The following PIK3R1 variants were observed in gnomAD, a reference collection of about 807,000 sequenced individuals.
PIK3R1 encodes the protein phosphatidylinositol 3-kinase regulatory subunit alpha.
A neutral mutation model predicts 98.0 loss-of-function variants in PIK3R1; 29 were observed. That is an observed-to-expected ratio of 0.30 (90% confidence interval 0.22 to 0.40). The LOEUF is 0.40. PIK3R1 is among the 10% of genes least tolerant of loss of function. PIK3R1 has a pLI of 1.00. For synonymous variants in PIK3R1, 282 were observed against 311.8 expected (o/e 0.90, Z 1.01); for missense variants, 596 against 872.7 (o/e 0.68, Z 3.99).
chr5:68,242,791 G>T (rs1744917796), intron 2 of PIK3R1, among the ~76,000 whole-genome samples: 1 of 152,206 alleles, frequency 6.6e-6, no homozygotes, highest in Admixed American at 6.5e-5. Context: ...TTGGCCCTCA[G>T]TGTCTGGGTA....
intron 2 of PIK3R1, among the ~76,000 whole-genome samples, chr5:68,253,772 G>A (rs528713845): frequency 3.3e-5 from 5 of 152,168 alleles, no homozygotes; most frequent in East Asian, 1.9e-4. Flanking sequence ...TTCCAGCTGC[G>A]CACATTTGCC....
rs1193132421 is a variant in PIK3R1 at position 68,301,042 on chromosome 5, G to GA, written c.*3447dup. ...AAGTCCTACTGATGTTCCTTTGGAA[G>GA]AAAAAATCTGCTGGTTTTAACAACT... On this transcript the variant is annotated 3_prime_UTR_variant, in exon 16 of 16. Coordinates refer to ENST00000521381, the MANE Select transcript of PIK3R1 (RefSeq NM_181523.3). The GA allele has an allele frequency of 1.3e-5, 3 of 232,100 alleles. No individual in the cohort carries two copies. Among genetic ancestry groups the GA allele is most frequent in the East Asian group, 6.1e-5 (1 of 16,314 alleles). 14.4% of individuals were successfully genotyped at this position (232,100 alleles called of 1,614,324 possible). A position where few individuals can be genotyped will look rare whatever the true frequency, so the allele number is the denominator to read the frequency against.
At chr5:68,242,867 T>C (rs1243340503) in intron 2 of PIK3R1, among the ~76,000 whole-genome samples, 1 of 152,212 alleles carries the variant, frequency 6.6e-6, no homozygotes, top group Non-Finnish European at 1.5e-5. Context: ...CAGAGAAGAC[T>C]GGATCTAAGC....
intron 8 of PIK3R1, 163 bp downstream of exon 8, chr5:68,292,524 G>C (rs567627118): frequency 3.9e-6 from 6 of 1,521,308 alleles, no homozygotes; most frequent in African/African-American, 2.7e-5. Flanking sequence ...CTGGAGAACT[G>C]TGGGTGCTGG....
chr5:68,265,685 TG>T (rs1746095382), intron 2 of PIK3R1, among the ~76,000 whole-genome samples: 1 of 152,092 alleles, frequency 6.6e-6, no homozygotes, highest in Admixed American at 6.6e-5. Flanking sequence ...AACATGAATC[TG>T]GGGGGAAGGG....
chr5:68,272,265 A>AAAAAG (rs1554048917), intron 2 of PIK3R1, among the ~76,000 whole-genome samples: 3,234 of 146,174 alleles, frequency 0.022, 98 homozygotes, highest in African/African-American at 0.067. Context: ...AAAAAAAAAA[A>AAAAAG]AAAAAGAAAA....
chr5:68,280,158 C>T, intron 5 of PIK3R1: 2 of 319,252 alleles, frequency 6.3e-6, no homozygotes, highest in Non-Finnish European at 5.8e-6. Context: ...CAGTTAAGTG[C>T]TTTGGGGACA....
chr5:68,264,582 C>T (rs1407622816), intron 2 of PIK3R1, among the ~76,000 whole-genome samples: 6 of 152,184 alleles, frequency 3.9e-5, no homozygotes, highest in South Asian at 2.1e-4. Context: ...GAGTTTCTTA[C>T]ACTAAGTGTT....
In PIK3R1 at chr5:68,230,100, C is replaced by T. The variant is rs540688045; in HGVS notation, c.334+3091C>T. On this transcript the variant is annotated intron_variant, in intron 2 of 15. Transcript: ENST00000521381. Reference sequence around the variant, plus strand: ...CCTTTGGAGCTGTGCTTTTTCTCCTCTGCTAGTACAGCTCTTCCCCTAGAC... The same window carrying T: ...CCTTTGGAGCTGTGCTTTTTCTCCTTTGCTAGTACAGCTCTTCCCCTAGAC... Among the ~76,000 whole-genome samples the T allele has an allele frequency of 3.9e-5, 6 of 152,338 alleles. No individual in the cohort carries two copies. The South Asian group carries it at 8.3e-4, about 21-fold the overall frequency.
At position 68,222,658 on chromosome 5, in the gene PIK3R1, C is replaced by T. The variant is rs372133495; in HGVS notation, c.-386-3632C>T. On this transcript the variant is annotated intron_variant, in intron 1 of 15. Coordinates refer to ENST00000521381, the MANE Select transcript of PIK3R1 (RefSeq NM_181523.3). ...CTGGGTTTTGGAGTTGATGGAACTG[C>T]CGAGTTAAAATAGCTTTTTTGTGTG... 9.2e-5 allele frequency among the ~76,000 whole-genome samples: 14 copies of T among 152,238 alleles called. No individual in the cohort carries two copies. The East Asian group carries it at 2.7e-3, about 29-fold the overall frequency.
At chr5:68,220,569 C>T (rs1446599815) in intron 1 of PIK3R1, among the ~76,000 whole-genome samples, 2 of 152,188 alleles carry the variant, frequency 1.3e-5, no homozygotes, top group African/African-American at 4.8e-5. Context: ...ATGTTGGCTG[C>T]TTTCTGAAGA....
chr5:68,238,020 C>T (rs1240855554), intron 2 of PIK3R1, among the ~76,000 whole-genome samples: 1 of 152,150 alleles, frequency 6.6e-6, no homozygotes, highest in Non-Finnish European at 1.5e-5. Flanking sequence ...GGGGCTATTA[C>T]TGTTATATTC....
In PIK3R1 at chr5:68,243,619, C is replaced by T. The variant is rs138507380; in HGVS notation, c.334+16610C>T. 1.3e-4 allele frequency among the ~76,000 whole-genome samples: 20 copies of T among 152,310 alleles called. No individual in the cohort carries two copies. In the East Asian group the frequency reaches 1.3e-3, roughly 10 times the overall value. On this transcript the variant is annotated intron_variant, in intron 2 of 15. Coordinates refer to ENST00000521381, the MANE Select transcript of PIK3R1 (RefSeq NM_181523.3). ...TAAACCAACTGCAAACAAGTTTATC[C>T]GTTGCCACCTTTCTTTTCCTTTAGT... is the stretch of plus-strand genomic sequence containing the variant.
rs150689648 is a variant in PIK3R1, at chr5:68,226,740, T to C, written c.65T>C (p.Ile22Thr). ...YDYKKEREED[I>T]DLHLGDILTV... ...TATAAAAAGGAAAGAGAAGAAGATA[T>C]TGACTTGCACTTGGGTGACATATTG... Residue 22 changes from isoleucine (I) to threonine (T), a missense_variant, in exon 2 of 16, where the codon ATT becomes ACT. Physicochemically the swap from Ile to Thr is moderately conservative, Grantham distance 89. This residue lies in a region of PIK3R1 where 352 missense variants were observed against 393.3 expected (regional missense o/e 0.90). Transcript: ENST00000521381. 2.7e-5 allele frequency: 44 copies of C among 1,614,028 alleles called. No individual in the cohort carries two copies. Among genetic ancestry groups the C allele is most frequent in the Non-Finnish European group, 3.2e-5 (38 of 1,180,012 alleles).
intron 2 of PIK3R1, among the ~76,000 whole-genome samples, chr5:68,230,381 C>T (rs1235766931): frequency 6.6e-6 from 1 of 152,180 alleles, no homozygotes; most frequent in Non-Finnish European, 1.5e-5. Context: ...TGGTAGTTTC[C>T]CAACATGCTG....
At chr5:68,222,670 A>G (rs925973661) in intron 1 of PIK3R1, among the ~76,000 whole-genome samples, 6 of 152,322 alleles carry the variant, frequency 3.9e-5, no homozygotes, top group East Asian at 1.9e-4. Flanking sequence ...GAGTTAAAAT[A>G]GCTTTTTTGT....
chr5:68,249,802 TCACG>T (rs1383996318), intron 2 of PIK3R1, among the ~76,000 whole-genome samples: 2 of 152,156 alleles, frequency 1.3e-5, no homozygotes. Context: ...ACTTTCTCAG[TCACG>T]TAGCCATTTG....
chr5:68,257,654 G>A (rs888316834), intron 2 of PIK3R1, among the ~76,000 whole-genome samples: 3 of 152,134 alleles, frequency 2.0e-5, no homozygotes, highest in African/African-American at 7.2e-5. Context: ...ACTATATATA[G>A]CACTTTTAAA....
rs1446803452 is a variant in PIK3R1, at chr5:68,277,270, G to A, written c.503-2332G>A. 2.6e-5 allele frequency among the ~76,000 whole-genome samples: 4 copies of A among 152,282 alleles called. No individual in the cohort carries two copies. In the East Asian group the frequency reaches 7.7e-4, roughly 29 times the overall value. On this transcript the variant is annotated intron_variant, in intron 4 of 15. Coordinates refer to ENST00000521381, the MANE Select transcript of PIK3R1 (RefSeq NM_181523.3). ...TAGCAGCACACACACAATTTTATTT[G>A]ACAGTATTTAATTATGCTCACAATT...
Sources: allele counts gnomAD v4.1 joint callset (sites outside exome capture counted in the v4.1 genomes callset), GRCh38; gene constraint gnomAD v4.1.1; regional missense constraint gnomAD v4.1.1; transcripts MANE v1.5; gene names NCBI Gene and HGNC (gene_info 2026-07-23, HGNC 2026-07-21).